The following DOCK3 variants were observed in gnomAD, a reference collection of about 807,000 sequenced individuals.
DOCK3 encodes the protein dedicator of cytokinesis 3.
In DOCK3, 60 loss-of-function variants were observed where a neutral mutation model predicts 265.6. The observed-to-expected ratio is 0.23, with a 90% CI of 0.18 to 0.28. The LOEUF is 0.28. DOCK3 is among the 10% of genes least tolerant of loss of function. DOCK3 has a pLI of 1.00. For synonymous variants in DOCK3, 881 were observed against 938.0 expected, an observed-to-expected ratio of 0.94 and a Z score of 1.11; for missense variants, 1,981 against 2,594.3, an observed-to-expected ratio of 0.76 and a Z score of 5.14.
At chr3:51,236,473 C>T (rs1206533355) in intron 20 of DOCK3, 45 bp downstream of exon 20, 1 of 1,527,022 alleles carries the variant, frequency 6.5e-7, no homozygotes, top group African/African-American at 1.4e-5. Context: ...TTATTCCTGT[C>T]ATATATTTCA....
intron 4 of DOCK3, among the ~76,000 whole-genome samples, chr3:50,908,966 A>T (rs1474181973): frequency 6.6e-6 from 1 of 151,800 alleles, no homozygotes; most frequent in African/African-American, 2.4e-5. Context: ...ATCATTATGT[A>T]ATGCCCTTCT....
At chr3:50,977,405 C>G (rs2077495745) in intron 5 of DOCK3, among the ~76,000 whole-genome samples, 1 of 152,036 alleles carries the variant, frequency 6.6e-6, no homozygotes, top group Admixed American at 6.5e-5. Flanking sequence ...ACTTATGAAG[C>G]TTAGTTTGGC....
intron 25 of DOCK3, among the ~76,000 whole-genome samples, chr3:51,276,127 A>T (rs2080805702): frequency 6.6e-6 from 1 of 152,194 alleles, no homozygotes; most frequent in African/African-American, 2.4e-5. Context: ...GCACCTTAAA[A>T]AAAGAGTATA....
At chr3:50,740,901 A>C (rs2038974742) in intron 1 of DOCK3, among the ~76,000 whole-genome samples, 1 of 152,072 alleles carries the variant, frequency 6.6e-6, no homozygotes, top group East Asian at 1.9e-4. Context: ...AAGTATATTC[A>C]CAGTGTGTAG....
intron 32 of DOCK3, among the ~76,000 whole-genome samples, chr3:51,319,850 C>T (rs921647065): frequency 1.5e-5 from 2 of 130,848 alleles, no homozygotes; most frequent in East Asian, 2.1e-4. Flanking sequence ...GGCGACAGAG[C>T]GAGACTCCAT....
At chr3:51,019,819 A>G (rs2079510237) in intron 5 of DOCK3, among the ~76,000 whole-genome samples, 2 of 151,850 alleles carry the variant, frequency 1.3e-5, no homozygotes, top group Admixed American at 6.6e-5. Flanking sequence ...TTTCTTTTGT[A>G]TGGCTGCATA....
intron 22 of DOCK3, among the ~76,000 whole-genome samples, chr3:51,249,571 C>A (rs1411962375): frequency 1.7e-5 from 2 of 119,252 alleles, no homozygotes; most frequent in Admixed American, 7.5e-5. Flanking sequence ...GCCCCCCGCC[C>A]GGCCAGCCGC....
At position 51,286,309 on chromosome 3, in the gene DOCK3, C is replaced by T. The variant is rs1269009733; in HGVS notation, c.2922+6105C>T. Reference sequence around the variant, plus strand: ...GAATTACAAAACTGCTAAAATAAATCAGAGATTACACAAACAAATGGAAAA... The same window carrying T: ...GAATTACAAAACTGCTAAAATAAATTAGAGATTACACAAACAAATGGAAAA... On this transcript the variant is annotated intron_variant, in intron 27 of 52. Transcript: ENST00000266037. Among the ~76,000 whole-genome samples, 5 of 152,016 alleles carry T rather than the reference C, an allele frequency of 3.3e-5. No homozygotes were observed. The East Asian group carries it at 9.6e-4, about 29-fold the overall frequency.
In DOCK3 at chr3:50,867,605, GTTT is replaced by G. The variant is rs55872881; in HGVS notation, c.163-22408_163-22406del. Among the ~76,000 whole-genome samples the G allele has an allele frequency of 3.5e-5, 5 of 141,410 alleles. No homozygotes were observed. The South Asian group carries it at 6.7e-4, about 19-fold the overall frequency. 92.8% of individuals were successfully genotyped at this position (141,410 alleles called of 152,430 possible). ...TGTTGAGGTGTGTTCCTAGTTACCT[GTTT>G]TTTTTTTTTTTTAGGGTTTTTATCA... is the stretch of plus-strand genomic sequence containing the variant. On this transcript the variant is annotated intron_variant, in intron 3 of 52. Transcript: ENST00000266037.
At position 51,381,783 on chromosome 3, in the gene DOCK3, T is replaced by C. The variant is rs2088668492; in HGVS notation, c.*224T>C. ...TGGCTTCCCTTTTTATTTTTTTACATTTCCATTTCTATGGGTTTTCCTTTC... is the reference window on the plus strand; with the variant it reads ...TGGCTTCCCTTTTTATTTTTTTACACTTCCATTTCTATGGGTTTTCCTTTC... On this transcript the variant is annotated 3_prime_UTR_variant, in exon 53 of 53. Coordinates refer to ENST00000266037, the MANE Select transcript of DOCK3 (RefSeq NM_004947.5). The surrounding 1 kb of genome is among the most constrained non-coding windows in gnomAD (Gnocchi z 5.6). 2.0e-6 allele frequency: 1 copy of C among 494,498 alleles called. No individual in the cohort carries two copies. The highest frequency in any genetic ancestry group is 3.4e-6 in the Non-Finnish European group (1 of 293,400). The allele number at this position is 494,498 out of a possible 1,614,324, so 30.6% of individuals were successfully genotyped here. A position where few individuals can be genotyped will look rare whatever the true frequency, so the allele number is the denominator to read the frequency against.
intron 12 of DOCK3, among the ~76,000 whole-genome samples, chr3:51,193,685 G>T (rs2088088810): frequency 6.6e-6 from 1 of 151,448 alleles, no homozygotes. Context: ...TTCTCTAGGT[G>T]TTTCAGTTTG....
At chr3:50,762,932 A>G (rs2040623334) in intron 1 of DOCK3, among the ~76,000 whole-genome samples, 1 of 151,784 alleles carries the variant, frequency 6.6e-6, no homozygotes, top group African/African-American at 2.4e-5. Flanking sequence ...TTGAAGGATT[A>G]GTGTTCTTTT....
chr3:50,804,197 C>T (rs900031104), intron 2 of DOCK3, among the ~76,000 whole-genome samples: 8 of 151,288 alleles, frequency 5.3e-5, no homozygotes, highest in African/African-American at 1.5e-4. Flanking sequence ...CGGGCAGAGA[C>T]GCTCCTCACT....
At chr3:51,198,086 C>T (rs2088437043) in intron 12 of DOCK3, among the ~76,000 whole-genome samples, 1 of 152,238 alleles carries the variant, frequency 6.6e-6, no homozygotes, top group Non-Finnish European at 1.5e-5. Context: ...GAGTTTCTGT[C>T]ATGCCTCAGT....
At chr3:51,164,590 C>T (rs368751897) in intron 12 of DOCK3, among the ~76,000 whole-genome samples, 149 of 144,912 alleles carry the variant, frequency 1.0e-3, no homozygotes, top group African/African-American at 3.7e-3. Flanking sequence ...CGCCACTGCA[C>T]TCCAGCCTAG....
intron 9 of DOCK3, among the ~76,000 whole-genome samples, chr3:51,121,738 A>G (rs2084026384): frequency 6.6e-6 from 1 of 152,038 alleles, no homozygotes; most frequent in African/African-American, 2.4e-5. Context: ...AAGAGTGAAC[A>G]CTCCTCTAGA....
At chr3:51,378,885 C>T (rs1198251507) in intron 51 of DOCK3, among the ~76,000 whole-genome samples, 1 of 152,200 alleles carries the variant, frequency 6.6e-6, no homozygotes, top group Non-Finnish European at 1.5e-5. Flanking sequence ...CATGTGGGTG[C>T]TAGGAACTGG....
chr3:50,746,649 C>CA (rs1247212979), intron 1 of DOCK3, among the ~76,000 whole-genome samples: 3 of 152,234 alleles, frequency 2.0e-5, no homozygotes, highest in African/African-American at 4.8e-5. Flanking sequence ...AGGCTGTACA[C>CA]ACGGCATAGT....
At chr3:51,161,448 AAAAAAAAGAAAG>A (rs1187881984) in intron 12 of DOCK3, among the ~76,000 whole-genome samples, 2 of 152,154 alleles carry the variant, frequency 1.3e-5, no homozygotes, top group Admixed American at 6.5e-5. Flanking sequence ...CGTCTCAAAA[AAAAAAAAGAAAG>A]AAAAAAAGAA....
Sources: allele counts gnomAD v4.1 joint callset (sites outside exome capture counted in the v4.1 genomes callset), GRCh38; gene constraint gnomAD v4.1.1; non-coding constraint Gnocchi (gnomAD v3.1); transcripts MANE v1.5; gene names NCBI Gene and HGNC (gene_info 2026-07-23, HGNC 2026-07-21).